BMAL2: variants seen among roughly 807,000 people sequenced by gnomAD.
BMAL2 encodes basic helix-loop-helix ARNT-like protein 2.
chr12:27,348,955 G>A, the BMAL2 span, among the ~76,000 whole-genome samples: 1 of 152,202 alleles, frequency 6.6e-6, no homozygotes, highest in Non-Finnish European at 1.5e-5. Context: ...CAGTAGGGTG[G>A]GAGATTTTGA....
chr12:27,360,423 T>G, the BMAL2 span, among the ~76,000 whole-genome samples: 1 of 152,192 alleles, frequency 6.6e-6, no homozygotes, highest in Non-Finnish European at 1.5e-5. Flanking sequence ...GTTAATTTCC[T>G]GATCTTGATA....
chr12:27,340,902 T>C, the BMAL2 span, among the ~76,000 whole-genome samples: 2 of 152,232 alleles, frequency 1.3e-5, no homozygotes, highest in African/African-American at 4.8e-5. Flanking sequence ...GATTTGGCTC[T>C]CAGCTTGACT....
At chr12:27,378,814 T>C in the BMAL2 span, among the ~76,000 whole-genome samples, 1 of 152,114 alleles carries the variant, frequency 6.6e-6, no homozygotes, top group African/African-American at 2.4e-5. Flanking sequence ...TAAATTAAGA[T>C]GATGACAGAG....
chr12:27,341,833 C>T, the BMAL2 span, among the ~76,000 whole-genome samples: 2 of 152,158 alleles, frequency 1.3e-5, no homozygotes, highest in African/African-American at 2.4e-5. Flanking sequence ...ATAAGAAATC[C>T]GGTGCCCTGT....
At chr12:27,375,929 G>A in the BMAL2 span, among the ~76,000 whole-genome samples, 1 of 151,998 alleles carries the variant, frequency 6.6e-6, no homozygotes, top group African/African-American at 2.4e-5. Context: ...TAAAGGTCTG[G>A]GATTCTTAAT....
At chr12:27,333,121 G>T in the BMAL2 span, 2 of 1,204,902 alleles carry the variant, frequency 1.7e-6, no homozygotes, top group East Asian at 6.8e-5. Flanking sequence ...TGCCGGTGGC[G>T]AGGCGACGGC....
the BMAL2 span, chr12:27,420,469 C>T: frequency 6.2e-7 from 1 of 1,613,794 alleles, no homozygotes. Context: ...TTATGAATTA[C>T]TTAGAAGCAG....
At chr12:27,400,479 T>C in the BMAL2 span, 1 of 1,408,954 alleles carries the variant, frequency 7.1e-7, no homozygotes, top group Non-Finnish European at 9.5e-7. Flanking sequence ...ATATAAGAAA[T>C]TTAATGACTT....
chr12:27,373,716 A>G, the BMAL2 span, among the ~76,000 whole-genome samples: 16 of 152,292 alleles, frequency 1.1e-4, no homozygotes, highest in Admixed American at 8.5e-4. Flanking sequence ...ATATTTTGAG[A>G]TTGCATCTGC....
At chr12:27,333,133 C>T in the BMAL2 span, 10 of 1,204,108 alleles carry the variant, frequency 8.3e-6, no homozygotes, top group Non-Finnish European at 9.3e-6. Flanking sequence ...GGCGACGGCC[C>T]CAGGTGGGCG....
the BMAL2 span, among the ~76,000 whole-genome samples, chr12:27,376,045 A>C: frequency 6.6e-6 from 1 of 152,212 alleles, no homozygotes; most frequent in African/African-American, 2.4e-5. Flanking sequence ...TTCTTGCTTA[A>C]GTTTGTCATG....
chr12:27,373,129 G>C, the BMAL2 span, among the ~76,000 whole-genome samples: 1 of 152,164 alleles, frequency 6.6e-6, no homozygotes, highest in South Asian at 2.1e-4. Context: ...AATAGCTTTT[G>C]CCAAGGACGA....
chr12:27,350,742 C>A, the BMAL2 span, among the ~76,000 whole-genome samples: 3 of 147,458 alleles, frequency 2.0e-5, no homozygotes, highest in African/African-American at 7.6e-5. Context: ...TGCAGTGGCT[C>A]AGTCTCAGCT....
At chr12:27,356,924 G>A in the BMAL2 span, among the ~76,000 whole-genome samples, 3 of 150,950 alleles carry the variant, frequency 2.0e-5, no homozygotes, top group East Asian at 5.9e-4. Flanking sequence ...TTCCCCTCGA[G>A]TCCCCAAAGT....
the BMAL2 span, chr12:27,376,388 G>A: frequency 3.7e-6 from 6 of 1,613,624 alleles, no homozygotes; most frequent in Non-Finnish European, 5.1e-6. Context: ...AGGCCTTCAG[G>A]TACAATTGAC....
At chr12:27,415,814 A>C in the BMAL2 span, 1 of 1,255,032 alleles carries the variant, frequency 8.0e-7, no homozygotes, top group Non-Finnish European at 1.1e-6. Context: ...TAGAGGAGAA[A>C]ATTTCCTTCT....
At chr12:27,380,385 A>G in the BMAL2 span, 3 of 1,614,054 alleles carry the variant, frequency 1.9e-6, no homozygotes, top group East Asian at 2.2e-5. Flanking sequence ...TGGCTGTTCA[A>G]CACTTGAGAT....
chr12:27,417,128 T>C, the BMAL2 span, among the ~76,000 whole-genome samples: 1 of 152,190 alleles, frequency 6.6e-6, no homozygotes, highest in African/African-American at 2.4e-5. Context: ...AATGTCTAAG[T>C]AGTGTACGTT....
chr12:27,364,550 A>G, the BMAL2 span, among the ~76,000 whole-genome samples: 3 of 152,006 alleles, frequency 2.0e-5, no homozygotes, highest in Admixed American at 2.0e-4. Flanking sequence ...CCAGTACTAC[A>G]CTGTCTTAAT....
Sources: gnomAD v4.1 joint callset for allele counts (sites outside exome capture counted in the v4.1 genomes callset) on GRCh38, gnomAD v4.1.1 for gene constraint, MANE v1.5 for transcripts, NCBI Gene and HGNC (gene_info 2026-07-23, HGNC 2026-07-21) for gene names.